Variants in TLK1 observed in about 807,000 individuals in gnomAD.
The protein encoded by TLK1 is serine/threonine-protein kinase tousled-like 1.
In TLK1, 24 loss-of-function variants were observed where a neutral mutation model predicts 105.3. The observed-to-expected ratio is 0.23, with a 90% CI of 0.17 to 0.32. The LOEUF is 0.32. Ranked by LOEUF, TLK1 falls within the 10% of genes least tolerant of loss-of-function variation. The pLI is 1.00. For synonymous variants in TLK1, 321 were observed against 310.4 expected (o/e 1.03, Z -0.36); for missense variants, 558 against 910.5 (o/e 0.61, Z 4.98).
At chr2:171,003,698 G>A (rs1362503993) in intron 18 of TLK1, among the ~76,000 whole-genome samples, 1 of 152,214 alleles carries the variant, frequency 6.6e-6, no homozygotes, top group Non-Finnish European at 1.5e-5. Flanking sequence ...GCAACAAGGT[G>A]TAGCTACAAA....
intron 11 of TLK1, chr2:171,045,432 GA>G (rs1168742437): frequency 3.0e-4 from 1 of 3,388 alleles, no homozygotes; most frequent in East Asian, 0.12. Flanking sequence ...GTTTCTCTCT[GA>G]GAATTTACTG....
chr2:171,163,429 T>A (rs577438313), upstream of TLK1, among the ~76,000 whole-genome samples: 1 of 152,232 alleles, frequency 6.6e-6, no homozygotes, highest in Admixed American at 6.5e-5. Context: ...AAATGTATGC[T>A]CTTTCTGTAT....
chr2:171,189,725 C>T (rs1036341299), intron 1 of TLK1, among the ~76,000 whole-genome samples: 1 of 152,188 alleles, frequency 6.6e-6, no homozygotes, highest in African/African-American at 2.4e-5. Flanking sequence ...TAGGCCATGA[C>T]ATCAGCTGGG....
intron 11 of TLK1, among the ~76,000 whole-genome samples, chr2:171,044,010 T>C (rs1029272158): frequency 4.6e-5 from 7 of 152,236 alleles, no homozygotes; most frequent in Admixed American, 1.3e-4. Flanking sequence ...AATGTTTTAA[T>C]TGTAACTTAC....
At chr2:171,201,681 A>G (rs915736071) in intron 1 of TLK1, among the ~76,000 whole-genome samples, 1 of 152,138 alleles carries the variant, frequency 6.6e-6, no homozygotes, top group Admixed American at 6.6e-5. Flanking sequence ...CTCTGGTACA[A>G]CTCTGAAGAA....
chr2:171,097,951 G>C (rs1296625641), intron 2 of TLK1, among the ~76,000 whole-genome samples: 1 of 151,820 alleles, frequency 6.6e-6, no homozygotes, highest in African/African-American at 2.4e-5. Context: ...AAAGGGGAAA[G>C]GGGTGGGGCG....
intron 2 of TLK1, among the ~76,000 whole-genome samples, chr2:171,086,844 G>GT (rs1558934136): frequency 6.6e-6 from 1 of 152,056 alleles, no homozygotes; most frequent in East Asian, 1.9e-4. Context: ...AGTAAGGAGG[G>GT]ATACGCTGGA....
At chr2:171,185,934 A>G (rs971203774) in intron 1 of TLK1, among the ~76,000 whole-genome samples, 1 of 152,194 alleles carries the variant, frequency 6.6e-6, no homozygotes, top group African/African-American at 2.4e-5. Context: ...AACCTGAACT[A>G]AGTGCTTTTC....
At chr2:171,014,756 G>A in intron 13 of TLK1, 95 bp downstream of exon 13, 3 of 970,472 alleles carry the variant, frequency 3.1e-6, no homozygotes, top group Non-Finnish European at 4.7e-6. Context: ...TAAGTACGAT[G>A]AGACAACCCA....
intron 2 of TLK1, among the ~76,000 whole-genome samples, chr2:171,096,113 T>C (rs1410507579): frequency 1.3e-5 from 2 of 152,112 alleles, no homozygotes; most frequent in Non-Finnish European, 2.9e-5. Flanking sequence ...GACATAATTG[T>C]ATATATGGAT....
At position 171,061,176 on chromosome 2, in the gene TLK1, A is replaced by T. The variant is rs1457249327; in HGVS notation, c.331-20T>A. On this transcript the variant is annotated intron_variant, in intron 3 of 20. Coordinates refer to ENST00000431350, the MANE Select transcript of TLK1 (RefSeq NM_012290.5). ...CGGTGTCTACAGAAAACAAGATAACAGATTTTTAAATGACAGTTTTAATAT... is the reference window on the plus strand; with the variant it reads ...CGGTGTCTACAGAAAACAAGATAACTGATTTTTAAATGACAGTTTTAATAT... 3 of 1,610,504 alleles carry T rather than the reference A, an allele frequency of 1.9e-6. No homozygotes were observed. The highest frequency in any genetic ancestry group is 3.4e-5 in the Admixed American group (2 of 59,612).
intron 3 of TLK1, among the ~76,000 whole-genome samples, chr2:171,073,237 C>T (rs1454134558): frequency 6.6e-6 from 1 of 152,160 alleles, no homozygotes. Flanking sequence ...CTAGCGAGGA[C>T]TTCCCATTCT....
intron 11 of TLK1, among the ~76,000 whole-genome samples, chr2:171,035,593 C>T (rs1686290081): frequency 6.6e-6 from 1 of 152,078 alleles, no homozygotes; most frequent in African/African-American, 2.4e-5. Flanking sequence ...AAATAATGGC[C>T]AAAGACTTCC....
At position 170,991,326 on chromosome 2, in the gene TLK1, C is replaced by A. The variant is rs1225740029; in HGVS notation, c.*2454G>T. On this transcript the variant is annotated 3_prime_UTR_variant, in exon 21 of 21. Transcript: ENST00000431350. Reference sequence around the variant, plus strand: ...ACAGTGTCAAAGACTGTCAGAGTGACCTTGAAATCATTTAGCAATAGATAC... The same window carrying A: ...ACAGTGTCAAAGACTGTCAGAGTGAACTTGAAATCATTTAGCAATAGATAC... 6.6e-6 allele frequency: 1 copy of A among 152,098 alleles called. No individual in the cohort carries two copies. The highest frequency in any genetic ancestry group is 1.5e-5 in the Non-Finnish European group (1 of 68,006). The allele number at this position is 152,098 out of a possible 1,614,324, so 9.4% of individuals were successfully genotyped here. A position where few individuals can be genotyped will look rare whatever the true frequency, so the allele number is the denominator to read the frequency against.
intron 3 of TLK1, among the ~76,000 whole-genome samples, chr2:171,070,080 C>T (rs1218038293): frequency 3.3e-5 from 5 of 152,134 alleles, no homozygotes; most frequent in African/African-American, 1.2e-4. Context: ...AAGAACTATA[C>T]TGGGTTCCAC....
At chr2:171,203,714 G>C (rs1036155600) in intron 1 of TLK1, among the ~76,000 whole-genome samples, 1 of 152,114 alleles carries the variant, frequency 6.6e-6, no homozygotes, top group African/African-American at 2.4e-5. Flanking sequence ...TGTTATTAAA[G>C]TTACTACAGG....
At chr2:171,196,765 TGA>T (rs1420247036) in intron 1 of TLK1, among the ~76,000 whole-genome samples, 1 of 152,192 alleles carries the variant, frequency 6.6e-6, no homozygotes, top group Non-Finnish European at 1.5e-5. Context: ...CCTGGTTCTA[TGA>T]GAGACTTCAC....
chr2:171,095,435 G>A (rs761962997), intron 2 of TLK1, among the ~76,000 whole-genome samples: 31 of 152,074 alleles, frequency 2.0e-4, no homozygotes, highest in Non-Finnish European at 3.2e-4. Flanking sequence ...GAAAGAGCTC[G>A]TTATTACTGA....
At chr2:170,998,046 T>TTCTCTATCTATC in intron 18 of TLK1, among the ~76,000 whole-genome samples, 1 of 147,536 alleles carries the variant, frequency 6.8e-6, no homozygotes, top group African/African-American at 2.5e-5. Flanking sequence ...CTATCTATCT[T>TTCTCTATCTATC]TATCTATCTA....
Sources: allele counts gnomAD v4.1 joint callset (sites outside exome capture counted in the v4.1 genomes callset), GRCh38; gene constraint gnomAD v4.1.1; transcripts MANE v1.5; gene names NCBI Gene and HGNC (gene_info 2026-07-23, HGNC 2026-07-21).